The following CDYL2 variants were observed in gnomAD, a reference collection of about 807,000 sequenced individuals.
CDYL2 encodes the protein chromodomain Y-like protein 2.
CDYL2 carries 23 observed loss-of-function variants against 49.4 expected under a neutral mutation model. That is an observed-to-expected ratio of 0.47 (90% CI 0.34 to 0.66). The LOEUF is 0.66. CDYL2 is among the 30% of genes least tolerant of loss of function. The pLI is 0.01. For synonymous variants in CDYL2, 360 were observed against 268.8 expected (o/e 1.34, Z -3.32); for missense variants, 678 against 656.4 (o/e 1.03, Z -0.36).
At chr16:80,713,472 T>C (rs1353832033) in intron 1 of CDYL2, among the ~76,000 whole-genome samples, 2 of 152,166 alleles carry the variant, frequency 1.3e-5, no homozygotes, top group Admixed American at 1.3e-4. Flanking sequence ...TCCATTGGGA[T>C]ATTAAAGCTT....
intron 1 of CDYL2, among the ~76,000 whole-genome samples, chr16:80,727,318 G>T (rs974918607): frequency 6.6e-6 from 1 of 152,232 alleles, no homozygotes; most frequent in African/African-American, 2.4e-5. Context: ...CCGTTTCCTA[G>T]TCAAGGAAAG....
chr16:80,668,186 G>A (rs989524091), intron 2 of CDYL2, among the ~76,000 whole-genome samples: 7 of 152,200 alleles, frequency 4.6e-5, no homozygotes, highest in Non-Finnish European at 7.3e-5. Context: ...CAGGGAGGCC[G>A]TTCCACACGT....
chr16:80,670,102 T>G (rs1444796379), intron 2 of CDYL2, among the ~76,000 whole-genome samples: 1 of 152,244 alleles, frequency 6.6e-6, no homozygotes, highest in Non-Finnish European at 1.5e-5. Flanking sequence ...TTCAGAAATA[T>G]GCTTTAAGTC....
chr16:80,781,627 T>A (rs1451798144), intron 1 of CDYL2, among the ~76,000 whole-genome samples: 1 of 152,148 alleles, frequency 6.6e-6, no homozygotes, highest in Admixed American at 6.5e-5. Flanking sequence ...ATAGACTACA[T>A]GTTGGGCCAC....
rs1906029516 is a variant in CDYL2, at chr16:80,600,398, C to T, written c.*3990G>A. On this transcript the variant is annotated 3_prime_UTR_variant, in exon 7 of 7. Coordinates refer to ENST00000570137, the MANE Select transcript of CDYL2 (RefSeq NM_152342.4). ...ACTGTATTAAAGTCTGTAAGCATTT[C>T]AACCAAAATTTGCAGAAATAACTAA... 6.6e-6 allele frequency: 1 copy of T among 152,102 alleles called. No individual in the cohort carries two copies. Among genetic ancestry groups the T allele is most frequent in the African/African-American group, 2.4e-5 (1 of 41,422 alleles). The allele number at this position is 152,102 out of a possible 1,614,324, so 9.4% of individuals were successfully genotyped here.
At chr16:80,629,048 C>A (rs965175883) in intron 3 of CDYL2, among the ~76,000 whole-genome samples, 1 of 152,102 alleles carries the variant, frequency 6.6e-6, no homozygotes, top group African/African-American at 2.4e-5. Flanking sequence ...AACCAGGTGA[C>A]TGAGGTACAG....
intron 1 of CDYL2, among the ~76,000 whole-genome samples, chr16:80,753,418 G>A (rs1308065322): frequency 6.6e-6 from 1 of 152,108 alleles, no homozygotes; most frequent in Non-Finnish European, 1.5e-5. Context: ...AGACCAGCCT[G>A]ACCAACATGG....
chr16:80,700,183 G>C (rs1904293598), intron 1 of CDYL2, among the ~76,000 whole-genome samples: 1 of 152,180 alleles, frequency 6.6e-6, no homozygotes, highest in Non-Finnish European at 1.5e-5. Flanking sequence ...AAAGAGCAAA[G>C]TTGGAGAAAT....
chr16:80,748,164 TAA>T (rs1905999617), intron 1 of CDYL2, among the ~76,000 whole-genome samples: 1 of 136,890 alleles, frequency 7.3e-6, no homozygotes. Context: ...ATAATAATAA[TAA>T]TATAAAGAAA....
chr16:80,721,326 A>T (rs1486298587), intron 1 of CDYL2, among the ~76,000 whole-genome samples: 1 of 152,210 alleles, frequency 6.6e-6, no homozygotes, highest in African/African-American at 2.4e-5. Context: ...GAGGCTCAGA[A>T]AAATTAAAGG....
chr16:80,724,041 G>A (rs1486596383), intron 1 of CDYL2, among the ~76,000 whole-genome samples: 4 of 147,736 alleles, frequency 2.7e-5, no homozygotes, highest in Admixed American at 6.7e-5. Context: ...GGAGGAGGAA[G>A]AGAAAGAAGA....
chr16:80,686,902 G>A (rs966041611), intron 1 of CDYL2, among the ~76,000 whole-genome samples: 1 of 152,166 alleles, frequency 6.6e-6, no homozygotes, highest in Non-Finnish European at 1.5e-5. Flanking sequence ...CTGGGAACAG[G>A]TCTTTTAGAT....
chr16:80,736,668 T>C (rs749988661), intron 1 of CDYL2, among the ~76,000 whole-genome samples: 2 of 152,176 alleles, frequency 1.3e-5, no homozygotes, highest in Non-Finnish European at 2.9e-5. Flanking sequence ...CCCAGCACTT[T>C]AGGAGGCCAA....
At chr16:80,774,392 G>A (rs1431321479) in intron 1 of CDYL2, among the ~76,000 whole-genome samples, 2 of 151,814 alleles carry the variant, frequency 1.3e-5, no homozygotes, top group African/African-American at 4.8e-5. Context: ...ATCAGAGAAT[G>A]GGTGGGGGAG....
At chr16:80,685,757 G>C (rs1242679025) in intron 1 of CDYL2, among the ~76,000 whole-genome samples, 1 of 152,196 alleles carries the variant, frequency 6.6e-6, no homozygotes, top group Non-Finnish European at 1.5e-5. Context: ...GGCTCAGAGA[G>C]ACCAAGTAAC....
At chr16:80,803,736 C>G (rs1356229509) in intron 1 of CDYL2, among the ~76,000 whole-genome samples, 1 of 140,038 alleles carries the variant, frequency 7.1e-6, no homozygotes, top group East Asian at 2.2e-4. Flanking sequence ...GGCCGCGGCG[C>G]GCCCCCCCGC....
chr16:80,711,600 C>G (rs1904597971), intron 1 of CDYL2, among the ~76,000 whole-genome samples: 1 of 152,196 alleles, frequency 6.6e-6, no homozygotes, highest in African/African-American at 2.4e-5. Flanking sequence ...GAGCTACATG[C>G]TGTGTGACCC....
At chr16:80,710,081 C>T (rs570161271) in intron 1 of CDYL2, among the ~76,000 whole-genome samples, 2 of 152,248 alleles carry the variant, frequency 1.3e-5, no homozygotes, top group South Asian at 4.1e-4. Flanking sequence ...GCACGTGCCA[C>T]CACGCCTGGC....
chr16:80,724,294 AAGG>A (rs1905096419), intron 1 of CDYL2, among the ~76,000 whole-genome samples: 1 of 150,654 alleles, frequency 6.6e-6, no homozygotes, highest in African/African-American at 2.4e-5. Flanking sequence ...AGAGGAAAGA[AAGG>A]AGAAGAGAGA....
Sources: gnomAD v4.1 joint callset for allele counts (sites outside exome capture counted in the v4.1 genomes callset) on GRCh38, gnomAD v4.1.1 for gene constraint, MANE v1.5 for transcripts, NCBI Gene and HGNC (gene_info 2026-07-23, HGNC 2026-07-21) for gene names.